Variants in PEAK1 observed in about 807,000 individuals in gnomAD.
PEAK1 encodes the protein pseudopodium enriched atypical kinase 1.
Under a neutral mutation model 124.7 loss-of-function variants are expected in PEAK1, and 54 were observed. The ratio of observed to expected loss-of-function variants is 0.43; its 90% confidence interval spans 0.35 to 0.54. The LOEUF is 0.54. Ranked by LOEUF, PEAK1 falls within the 20% of genes least tolerant of loss-of-function variation. The pLI, the probability that PEAK1 is intolerant of heterozygous loss-of-function variation, is 0.01. For missense variants in PEAK1, 2,046 were observed against 2,134.5 expected, an observed-to-expected ratio of 0.96 and a Z score of 0.82; for synonymous variants, 719 against 760.0, an observed-to-expected ratio of 0.95 and a Z score of 0.89.
At chr15:77,344,096 GTTTT>G (rs967376767) in intron 2 of PEAK1, among the ~76,000 whole-genome samples, 3 of 151,960 alleles carry the variant, frequency 2.0e-5, no homozygotes, top group African/African-American at 7.2e-5. Flanking sequence ...TTGGCTGTCT[GTTTT>G]TTTGTTTTTT....
intron 7 of PEAK1, among the ~76,000 whole-genome samples, chr15:77,169,912 T>G (rs750871614): frequency 5.3e-5 from 8 of 152,094 alleles, no homozygotes; most frequent in Admixed American, 1.3e-4. Flanking sequence ...AGGGAAAAAT[T>G]AAGAGTTCTG....
chr15:77,369,313 T>G (rs961291945), intron 1 of PEAK1, among the ~76,000 whole-genome samples: 5 of 152,280 alleles, frequency 3.3e-5, no homozygotes, highest in Non-Finnish European at 7.3e-5. Flanking sequence ...ACTACAGGAA[T>G]GCAAATGGAG....
intron 2 of PEAK1, among the ~76,000 whole-genome samples, chr15:77,300,025 C>G (rs1434127173): frequency 6.6e-6 from 1 of 152,192 alleles, no homozygotes; most frequent in Admixed American, 6.5e-5. Context: ...TCTTCGAGCT[C>G]TACTTTACTT....
chr15:77,382,274 T>C (rs781716387), intron 1 of PEAK1, among the ~76,000 whole-genome samples: 1 of 152,212 alleles, frequency 6.6e-6, no homozygotes, highest in Non-Finnish European at 1.5e-5. Flanking sequence ...CCCCTAATAT[T>C]TGACACCCAA....
chr15:77,236,022 G>A (rs747668501), intron 6 of PEAK1, among the ~76,000 whole-genome samples: 5 of 152,212 alleles, frequency 3.3e-5, no homozygotes, highest in Non-Finnish European at 5.9e-5. Flanking sequence ...AGAAACACTC[G>A]GATATCCAGG....
intron 6 of PEAK1, among the ~76,000 whole-genome samples, chr15:77,248,744 A>G (rs1483763067): frequency 6.6e-6 from 1 of 152,232 alleles, no homozygotes; most frequent in African/African-American, 2.4e-5. Context: ...AGAATATTAA[A>G]AGTGAATCTC....
chr15:77,181,077 G>A lies in PEAK1; in HGVS notation c.850C>T (p.Arg284Ter), dbSNP rs374061041. 3.1e-6 allele frequency: 5 copies of A among 1,614,018 alleles called. No individual in the cohort carries two copies. The highest frequency in any genetic ancestry group is 2.7e-5 in the African/African-American group (2 of 74,910). Residue 284 changes from arginine (R) to a stop codon, truncating the protein, a stop_gained, in exon 7 of 10, where the codon CGA becomes TGA. Coordinates refer to ENST00000682557, the MANE Select transcript of PEAK1 (RefSeq NM_001385026.1). LOFTEE classifies it high-confidence loss of function. ...NFRANTLSPV[R>*]FFVDKKWNTI... ...TTCCATTTTTTGTCCACAAAGAATC[G>A]AACAGGAGACAATGTGTTTGCTCTG...
intron 1 of PEAK1, among the ~76,000 whole-genome samples, chr15:77,392,728 G>T (rs771728277): frequency 1.4e-4 from 21 of 152,320 alleles, no homozygotes; most frequent in Non-Finnish European, 2.9e-4. Flanking sequence ...GGCGGAGTAA[G>T]ATGGTCAAAT....
chr15:77,403,448 A>C, intron 1 of PEAK1: 1 of 928,290 alleles, frequency 1.1e-6, no homozygotes, highest in Non-Finnish European at 1.3e-6. Context: ...TGTAAGGGTA[A>C]ATAATTATTA....
intron 1 of PEAK1, chr15:77,404,852 G>C (rs2071677128): frequency 1.2e-6 from 1 of 867,102 alleles, no homozygotes; most frequent in Admixed American, 6.2e-5. Flanking sequence ...ATGAAAAAAA[G>C]AAAAATGCCA....
chr15:77,279,903 A>T (rs2062570107), intron 5 of PEAK1, among the ~76,000 whole-genome samples: 1 of 152,204 alleles, frequency 6.6e-6, no homozygotes, highest in African/African-American at 2.4e-5. Flanking sequence ...TGAAGTACAG[A>T]TCAGTAATTG....
chr15:77,153,256 G>T (rs902741031), intron 8 of PEAK1, among the ~76,000 whole-genome samples: 1 of 152,128 alleles, frequency 6.6e-6, no homozygotes, highest in Non-Finnish European at 1.5e-5. Flanking sequence ...ATTTCTTCTA[G>T]GTTTTCCAGT....
intron 1 of PEAK1, among the ~76,000 whole-genome samples, chr15:77,415,147 C>T (rs1246564738): frequency 4.6e-5 from 7 of 152,202 alleles, no homozygotes; most frequent in Admixed American, 2.6e-4. Context: ...AAATCAACCA[C>T]GAAAATTGGT....
intron 8 of PEAK1, among the ~76,000 whole-genome samples, chr15:77,151,247 A>G (rs937296875): frequency 6.6e-6 from 1 of 150,928 alleles, no homozygotes; most frequent in East Asian, 1.9e-4. Flanking sequence ...TTTGATTTGC[A>G]TTTCTCTGAT....
rs574964513 is a variant in PEAK1, at chr15:77,411,842, C to T, written c.-666+8164G>A. 3.9e-5 allele frequency among the ~76,000 whole-genome samples: 6 copies of T among 152,098 alleles called. No homozygotes were observed. In the South Asian group the frequency reaches 6.2e-4, roughly 16 times the overall value. Reference sequence around the variant, plus strand: ...ACCCAGGCTGGTCTCAAATTCCTGGCCTCAAGTGATCCTCCCGCCTCATCC... The same window carrying T: ...ACCCAGGCTGGTCTCAAATTCCTGGTCTCAAGTGATCCTCCCGCCTCATCC... On this transcript the variant is annotated intron_variant, in intron 1 of 9. Coordinates refer to ENST00000682557, the MANE Select transcript of PEAK1 (RefSeq NM_001385026.1).
intron 2 of PEAK1, among the ~76,000 whole-genome samples, chr15:77,312,066 A>C (rs2064502318): frequency 6.6e-6 from 1 of 152,190 alleles, no homozygotes; most frequent in Non-Finnish European, 1.5e-5. Context: ...GGAGTAAAGG[A>C]AATAAAGAAA....
At chr15:77,221,696 G>A (rs1274398199) in intron 6 of PEAK1, among the ~76,000 whole-genome samples, 1 of 152,080 alleles carries the variant, frequency 6.6e-6, no homozygotes, top group Non-Finnish European at 1.5e-5. Flanking sequence ...ATGTGAGAGA[G>A]AAAAAGGAAT....
intron 2 of PEAK1, among the ~76,000 whole-genome samples, chr15:77,311,480 A>G (rs1041106309): frequency 1.3e-5 from 2 of 152,084 alleles, no homozygotes; most frequent in Admixed American, 6.6e-5. Context: ...GTTCAAGTCT[A>G]GCCTGGCCAA....
chr15:77,286,501 T>C lies in PEAK1; in HGVS notation c.-599A>G. On this transcript the variant is annotated 5_prime_UTR_variant, in exon 3 of 10. Coordinates refer to ENST00000682557, the MANE Select transcript of PEAK1 (RefSeq NM_001385026.1). ...CTTACAAATGGATCTCAAGTATTCT[T>C]TTCCTATTAGAAGATGCAAAGTGGG... The C allele has an allele frequency of 8.2e-7, 1 of 1,225,438 alleles. No homozygotes were observed. Among genetic ancestry groups the C allele is most frequent in the Non-Finnish European group, 1.0e-6 (1 of 982,468 alleles). The allele number at this position is 1,225,438 out of a possible 1,614,324, so 75.9% of individuals were successfully genotyped here. A position where few individuals can be genotyped will look rare whatever the true frequency, so the allele number is the denominator to read the frequency against.
Sources: allele counts gnomAD v4.1 joint callset (sites outside exome capture counted in the v4.1 genomes callset), GRCh38; gene constraint gnomAD v4.1.1; transcripts MANE v1.5; gene names NCBI Gene and HGNC (gene_info 2026-07-23, HGNC 2026-07-21).